Variants in HDAC4 observed in about 807,000 individuals in gnomAD.
HDAC4 encodes histone deacetylase 4.
Under a neutral mutation model 135.1 loss-of-function variants are expected in HDAC4, and 16 were observed. The observed-to-expected ratio is 0.12, with a 90% confidence interval of 0.08 to 0.18. The LOEUF is 0.18. Among genes scored for constraint, HDAC4 ranks in the 10% least tolerant of loss-of-function variants. The probability of loss-of-function intolerance (pLI) is 1.00; values close to 1 mark genes in which losing one functional copy is unlikely to be tolerated. For synonymous variants in HDAC4, 685 were observed against 653.4 expected, an observed-to-expected ratio of 1.05 and a Z score of -0.74; for missense variants, 1,143 against 1,511.8, an observed-to-expected ratio of 0.76 and a Z score of 4.05.
At chr2:239,081,261 T>C in intron 21 of HDAC4, 69 bp from the exon 22 acceptor site, 2 of 1,341,360 alleles carry the variant, frequency 1.5e-6, no homozygotes, top group Non-Finnish European at 1.0e-6. Context: ...GAACGCCTGA[T>C]GCAGGTGGCA....
At chr2:239,140,507 G>A (rs575315531) in intron 8 of HDAC4, among the ~76,000 whole-genome samples, 2 of 152,134 alleles carry the variant, frequency 1.3e-5, no homozygotes, top group Admixed American at 6.5e-5. Context: ...GGCCGCTGAG[G>A]CTCTCGATAT....
At chr2:239,094,306 A>G (rs1439259484) in intron 17 of HDAC4, 1 of 985,336 alleles carries the variant, frequency 1.0e-6, no homozygotes, top group East Asian at 1.1e-4. Context: ...GTTATTGAGA[A>G]GTTTGATTGC....
intron 11 of HDAC4, among the ~76,000 whole-genome samples, chr2:239,133,245 G>A (rs2040719867): frequency 6.6e-6 from 1 of 152,150 alleles, no homozygotes; most frequent in Non-Finnish European, 1.5e-5. Flanking sequence ...AGAGGCCCAA[G>A]CCCACCCAAG....
At chr2:239,102,459 A>T in intron 16 of HDAC4, 1 of 379,608 alleles carries the variant, frequency 2.6e-6, no homozygotes, top group Non-Finnish European at 5.0e-6. Context: ...AAACAACTTC[A>T]GGCTCCCTGC....
chr2:239,153,329 T>C (rs765240316), intron 7 of HDAC4, among the ~76,000 whole-genome samples: 1 of 152,238 alleles, frequency 6.6e-6, no homozygotes, highest in Non-Finnish European at 1.5e-5. Context: ...TCAGGATAAG[T>C]TAATGTAAAA....
At chr2:239,363,370 A>G (rs1237045279) in intron 1 of HDAC4, among the ~76,000 whole-genome samples, 1 of 152,234 alleles carries the variant, frequency 6.6e-6, no homozygotes, top group Non-Finnish European at 1.5e-5. Flanking sequence ...GACTCACACT[A>G]CCAAATATCA....
chr2:239,269,260 C>T (rs1180352453), intron 2 of HDAC4, among the ~76,000 whole-genome samples: 1 of 146,120 alleles, frequency 6.8e-6, no homozygotes, highest in Non-Finnish European at 1.5e-5. Flanking sequence ...CATTCACACA[C>T]CCACACATTC....
At chr2:239,377,611 C>G (rs1266617964) in intron 1 of HDAC4, among the ~76,000 whole-genome samples, 1 of 152,234 alleles carries the variant, frequency 6.6e-6, no homozygotes, top group Non-Finnish European at 1.5e-5. Context: ...GACCACCAAC[C>G]TGGAGCAGCC....
intron 3 of HDAC4, among the ~76,000 whole-genome samples, chr2:239,197,192 C>T (rs74003756): frequency 0.031 from 4,680 of 152,240 alleles, 248 homozygotes; most frequent in African/African-American, 0.11. Context: ...CTCCCCTTCA[C>T]GCGTCCTGAC....
chr2:239,059,120 CAG>C (rs1184174587), intron 24 of HDAC4, among the ~76,000 whole-genome samples: 2 of 152,154 alleles, frequency 1.3e-5, no homozygotes, highest in Admixed American at 1.3e-4. Context: ...GAAATCATAA[CAG>C]ACATCAGGAA....
chr2:239,291,037 C>CAGCG (rs1326847231), intron 2 of HDAC4, among the ~76,000 whole-genome samples: 1 of 152,266 alleles, frequency 6.6e-6, no homozygotes, highest in Non-Finnish European at 1.5e-5. Flanking sequence ...GTTCAGAAGG[C>CAGCG]AGCGCCTGCC....
intron 25 of HDAC4, among the ~76,000 whole-genome samples, chr2:239,053,926 G>C (rs2031330057): frequency 6.6e-6 from 1 of 152,122 alleles, no homozygotes; most frequent in Admixed American, 6.5e-5. Context: ...GGCCAGGGCA[G>C]GGGGCTGCCA....
chr2:239,211,891 C>A (rs780545775), intron 3 of HDAC4, among the ~76,000 whole-genome samples: 3 of 152,324 alleles, frequency 2.0e-5, no homozygotes, highest in Non-Finnish European at 2.9e-5. Context: ...CACGCGCCAC[C>A]GAGGAGCTTC....
chr2:239,094,690 G>A (rs1261856504), intron 17 of HDAC4: 3 of 1,225,700 alleles, frequency 2.4e-6, no homozygotes, highest in South Asian at 1.6e-5. Context: ...GTGGCCTGAT[G>A]TGAGCAGATT....
intron 16 of HDAC4, among the ~76,000 whole-genome samples, chr2:239,099,819 C>G (rs1559425210): frequency 6.6e-6 from 1 of 152,242 alleles, no homozygotes; most frequent in Non-Finnish European, 1.5e-5. Context: ...CACCCTCTCA[C>G]AGACCACCCA....
Position 239,051,346 on chromosome 2 carries a change from G to A in HDAC4, c.*1751C>T, listed in dbSNP as rs2030816673. On this transcript the variant is annotated 3_prime_UTR_variant, in exon 27 of 27. Coordinates refer to ENST00000543185, the MANE Select transcript of HDAC4 (RefSeq NM_001378414.1). ...CACTTTCTGAAAATAGAATCTGACA[G>A]CAACAATTCTGTACGCTGCAGAAAA... The A allele has an allele frequency of 6.6e-6, 1 of 151,956 alleles. No individual in the cohort carries two copies. The highest frequency in any genetic ancestry group is 2.4e-5 in the African/African-American group (1 of 41,340). 9.4% of individuals were successfully genotyped at this position (151,956 alleles called of 1,614,324 possible). A position where few individuals can be genotyped will look rare whatever the true frequency, so the allele number is the denominator to read the frequency against.
chr2:239,073,155 C>T (rs2034367030), intron 22 of HDAC4, among the ~76,000 whole-genome samples: 2 of 152,226 alleles, frequency 1.3e-5, no homozygotes, highest in South Asian at 2.1e-4. Context: ...CCAAGAAACT[C>T]ACTTCTGGAA....
In HDAC4 at chr2:239,108,227, C is replaced by T. The variant is rs370307147; in HGVS notation, c.1979-44G>A. 12 of 1,566,438 alleles carry T rather than the reference C, an allele frequency of 7.7e-6. No homozygotes were observed. In the African/African-American group the frequency reaches 9.5e-5, roughly 12 times the overall value. On this transcript the variant is annotated intron_variant, in intron 14 of 26. Coordinates refer to ENST00000543185, the MANE Select transcript of HDAC4 (RefSeq NM_001378414.1). Reference sequence around the variant, plus strand: ...GCCAAGATCAGCGCACATCCAGGGGCGAGCCGACCACCCACTGGCAGGCTG... The same window carrying T: ...GCCAAGATCAGCGCACATCCAGGGGTGAGCCGACCACCCACTGGCAGGCTG...
chr2:239,329,722 G>A (rs1224798251), intron 2 of HDAC4, among the ~76,000 whole-genome samples: 2 of 152,222 alleles, frequency 1.3e-5, no homozygotes, highest in African/African-American at 2.4e-5. Context: ...CTCAGGGCCT[G>A]GGCTGGGCTA....
Sources: gnomAD v4.1 joint callset for allele counts (sites outside exome capture counted in the v4.1 genomes callset) on GRCh38, gnomAD v4.1.1 for gene constraint, MANE v1.5 for transcripts, NCBI Gene and HGNC (gene_info 2026-07-23, HGNC 2026-07-21) for gene names.